Variants in CSGALNACT1 observed in about 807,000 individuals in gnomAD.
CSGALNACT1 encodes the protein beta4GalNAcT-1.
In CSGALNACT1, 52 loss-of-function variants were observed where a neutral mutation model predicts 51.0. The ratio of observed to expected loss-of-function variants is 1.02; its 90% CI spans 0.82 to 1.29. The LOEUF is 1.29. CSGALNACT1 is among the 50% of genes most tolerant of loss of function. CSGALNACT1 has a pLI of 0.00. For synonymous variants in CSGALNACT1, 341 were observed against 254.4 expected (o/e 1.34, Z -3.24); for missense variants, 935 against 679.2 (o/e 1.38, Z -4.19).
chr8:19,639,729 C>T (rs1351476132), intron 1 of CSGALNACT1, among the ~76,000 whole-genome samples: 3 of 152,110 alleles, frequency 2.0e-5, no homozygotes, highest in African/African-American at 7.2e-5. Flanking sequence ...TCAGGCCATC[C>T]ACAACGTGCA....
intron 3 of CSGALNACT1, among the ~76,000 whole-genome samples, chr8:19,525,712 A>G (rs1363529028): frequency 6.7e-6 from 1 of 150,054 alleles, no homozygotes; most frequent in Non-Finnish European, 1.5e-5. Context: ...AAAGTTGCCA[A>G]GTGACAACAG....
intron 1 of CSGALNACT1, among the ~76,000 whole-genome samples, chr8:19,681,708 T>C (rs1280770920): frequency 6.6e-6 from 1 of 152,170 alleles, no homozygotes; most frequent in Non-Finnish European, 1.5e-5. Flanking sequence ...AAGTTCCCAC[T>C]TGCTCCCTCA....
At chr8:19,716,989 T>C (rs1467326486) in intron 1 of CSGALNACT1, among the ~76,000 whole-genome samples, 1 of 152,164 alleles carries the variant, frequency 6.6e-6, no homozygotes, top group Non-Finnish European at 1.5e-5. Context: ...TGCATGGCAT[T>C]AGGCAAAGGA....
At chr8:19,618,789 T>C (rs2053428715) in intron 1 of CSGALNACT1, among the ~76,000 whole-genome samples, 1 of 152,112 alleles carries the variant, frequency 6.6e-6, no homozygotes, top group South Asian at 2.1e-4. Flanking sequence ...GCTAGCACTT[T>C]CTCCAGGCAC....
At chr8:19,596,641 A>G (rs1445051235) in intron 2 of CSGALNACT1, among the ~76,000 whole-genome samples, 1 of 152,130 alleles carries the variant, frequency 6.6e-6, no homozygotes, top group Non-Finnish European at 1.5e-5. Context: ...CAAAGATCTT[A>G]CCACTGTAAA....
At chr8:19,460,353 A>C (rs756796553) in intron 4 of CSGALNACT1, among the ~76,000 whole-genome samples, 3 of 152,122 alleles carry the variant, frequency 2.0e-5, no homozygotes, top group Non-Finnish European at 4.4e-5. Context: ...TATTGTTGTT[A>C]ATCTCTTTCT....
intron 1 of CSGALNACT1, among the ~76,000 whole-genome samples, chr8:19,631,843 T>A (rs1257361483): frequency 1.3e-5 from 2 of 152,228 alleles, no homozygotes. Flanking sequence ...TACTTTGTGC[T>A]ATTTCTAAGA....
At chr8:19,511,328 G>A (rs193014599) in intron 3 of CSGALNACT1, among the ~76,000 whole-genome samples, 6 of 152,316 alleles carry the variant, frequency 3.9e-5, no homozygotes, top group African/African-American at 9.6e-5. Context: ...GCCGCAGTGC[G>A]AGTCTATTCC....
At chr8:19,682,697 T>A (rs750104676), upstream of CSGALNACT1, 1 of 453,920 alleles carries the variant, frequency 2.2e-6, no homozygotes, top group Non-Finnish European at 4.4e-6. Context: ...GTTACTCACC[T>A]CCGTGCAATT....
chr8:19,714,059 C>A (rs559111033), intron 1 of CSGALNACT1, among the ~76,000 whole-genome samples: 10 of 152,294 alleles, frequency 6.6e-5, no homozygotes, highest in Admixed American at 1.3e-4. Flanking sequence ...CAGCTTCACC[C>A]TTCTTCTTTT....
chr8:19,408,196 A>C (rs948894831), intron 9 of CSGALNACT1, among the ~76,000 whole-genome samples: 1 of 152,078 alleles, frequency 6.6e-6, no homozygotes, highest in Non-Finnish European at 1.5e-5. Flanking sequence ...CTTTAATCTC[A>C]GATTGTGTGT....
intron 1 of CSGALNACT1, among the ~76,000 whole-genome samples, chr8:19,653,857 T>G (rs1319370057): frequency 1.3e-5 from 2 of 152,136 alleles, no homozygotes; most frequent in African/African-American, 4.8e-5. Context: ...CATCAAATCC[T>G]TCTATCCAAT....
At chr8:19,601,447 C>A (rs1034615548) in intron 2 of CSGALNACT1, among the ~76,000 whole-genome samples, 1 of 152,170 alleles carries the variant, frequency 6.6e-6, no homozygotes, top group Admixed American at 6.6e-5. Context: ...TGTAAGCGAA[C>A]TGTTTCAAAA....
chr8:19,683,786 T>C (rs1192278838), upstream of CSGALNACT1, among the ~76,000 whole-genome samples: 1 of 151,814 alleles, frequency 6.6e-6, no homozygotes, highest in East Asian at 1.9e-4. Context: ...GTGTAATAAA[T>C]GTAAGAAAAG....
chr8:19,590,797 C>A (rs1254621880), intron 3 of CSGALNACT1, among the ~76,000 whole-genome samples: 4 of 151,686 alleles, frequency 2.6e-5, no homozygotes, highest in African/African-American at 9.7e-5. Flanking sequence ...TTACAGGTGT[C>A]CACCACCACA....
At chr8:19,696,983 G>A (rs1217596661) in intron 1 of CSGALNACT1, among the ~76,000 whole-genome samples, 1 of 152,194 alleles carries the variant, frequency 6.6e-6, no homozygotes. Context: ...TGACATGTGA[G>A]GGGTTGCAAG....
At chr8:19,541,865 G>C (rs767979524) in intron 3 of CSGALNACT1, among the ~76,000 whole-genome samples, 1 of 152,050 alleles carries the variant, frequency 6.6e-6, no homozygotes, top group African/African-American at 2.4e-5. Flanking sequence ...AGAATGAAGG[G>C]CCACTGTTAA....
chr8:19,675,863 C>A (rs2060139469), intron 1 of CSGALNACT1, among the ~76,000 whole-genome samples: 1 of 152,024 alleles, frequency 6.6e-6, no homozygotes, highest in Non-Finnish European at 1.5e-5. Flanking sequence ...GCGGGCAGGA[C>A]ACACTCAAAG....
intron 3 of CSGALNACT1, among the ~76,000 whole-genome samples, chr8:19,520,904 T>C (rs1224926364): frequency 6.6e-6 from 1 of 152,210 alleles, no homozygotes; most frequent in Non-Finnish European, 1.5e-5. Context: ...TAGTCCGGTG[T>C]TGTCTGTGCT....
Sources: gnomAD v4.1 joint callset for allele counts (sites outside exome capture counted in the v4.1 genomes callset) on GRCh38, gnomAD v4.1.1 for gene constraint, MANE v1.5 for transcripts, NCBI Gene and HGNC (gene_info 2026-07-23, HGNC 2026-07-21) for gene names.